ATP8A1: variants seen among roughly 807,000 people sequenced by gnomAD.
The protein encoded by ATP8A1 is ATPase phospholipid transporting 8A1, also known as phospholipid-transporting ATPase IA.
Under a neutral mutation model 177.7 loss-of-function variants are expected in ATP8A1, and 90 were observed. That is an observed-to-expected ratio of 0.51 (90% CI 0.43 to 0.60). The LOEUF is 0.60. Ranked by LOEUF, ATP8A1 falls within the 20% of genes least tolerant of loss-of-function variation. ATP8A1 has a pLI of 0.00. For synonymous variants in ATP8A1, 493 were observed against 485.9 expected (o/e 1.01, Z -0.19); for missense variants, 1,072 against 1,392.8 (o/e 0.77, Z 3.67).
chr4:42,630,103 C>T (rs1003360233), intron 1 of ATP8A1, among the ~76,000 whole-genome samples: 3 of 152,174 alleles, frequency 2.0e-5, no homozygotes, highest in Non-Finnish European at 4.4e-5. Context: ...ATTTCCTCTG[C>T]ATATCACCAC....
chr4:42,455,539 C>G lies in ATP8A1; in HGVS notation c.2680G>C (p.Gly894Arg). 5 of 1,613,566 alleles carry G rather than the reference C, an allele frequency of 3.1e-6. No individual in the cohort carries two copies. The highest frequency in any genetic ancestry group is 4.2e-6 in the Non-Finnish European group (5 of 1,179,708). Reference sequence around the variant, plus strand: ...CCTAAACTTACCACGTTATAGAGACCTATACACCATCTTTCAAAGAGGATC... The same window carrying G: ...CCTAAACTTACCACGTTATAGAGACGTATACACCATCTTTCAAAGAGGATC... ...GQILFERWCI[G>R]LYNVMFTAMP... is the part of the protein sequence containing the mutation. Residue 894 changes from glycine (G) to arginine (R), a missense_variant, in exon 28 of 37, where the codon GGT (glycine) becomes CGT (arginine). Around this residue, in one of 5 missense-constraint regions of ATP8A1, gnomAD observed 316 missense variants for 459.1 expected, o/e 0.69. Coordinates refer to ENST00000381668, the MANE Select transcript of ATP8A1 (RefSeq NM_006095.2).
rs1159794343 is a variant in ATP8A1 at position 42,576,475 on chromosome 4, C to CAAAAAAA, written c.1129-783_1129-777dup. Among the ~76,000 whole-genome samples, 198 of 32,408 alleles carry CAAAAAAA rather than the reference C, an allele frequency of 6.1e-3. 29 individuals are homozygous for CAAAAAAA. Among genetic ancestry groups the CAAAAAAA allele is most frequent in the African/African-American group, 0.017 (111 of 6,634 alleles). The allele number at this position is 32,408 out of a possible 152,430, so 21.3% of individuals were successfully genotyped here. ...TGGGCGACAGAGCAAGACGCCGTCT[C>CAAAAAAA]AAAAAAAAAAAAAAAAAAAAAAAAA... is the stretch of plus-strand genomic sequence containing the variant. On this transcript the variant is annotated intron_variant, in intron 12 of 36. Coordinates refer to ENST00000381668, the MANE Select transcript of ATP8A1 (RefSeq NM_006095.2).
At chr4:42,520,980 A>G (rs1363325291) in intron 22 of ATP8A1, among the ~76,000 whole-genome samples, 1 of 152,138 alleles carries the variant, frequency 6.6e-6, no homozygotes, top group African/African-American at 2.4e-5. Context: ...TGGCATCCCC[A>G]CATTACATAA....
At chr4:42,553,973 G>A (rs1560452157) in intron 16 of ATP8A1, among the ~76,000 whole-genome samples, 2 of 152,168 alleles carry the variant, frequency 1.3e-5, no homozygotes, top group Non-Finnish European at 2.9e-5. Flanking sequence ...AAAACGATGT[G>A]TTTTAGAAAA....
Position 42,414,735 on chromosome 4 carries a change from A to C in ATP8A1, c.3306-17T>G. On this transcript the variant is annotated splice_polypyrimidine_tract_variant and intron_variant, in intron 35 of 36. Transcript: ENST00000381668. ...TCGGTCAGGCTGCAGAGCAGGTGCAAATGTGTGAAATGAATTATCAACTCG... is the reference window on the plus strand; with the variant it reads ...TCGGTCAGGCTGCAGAGCAGGTGCACATGTGTGAAATGAATTATCAACTCG... 3.1e-6 allele frequency: 5 copies of C among 1,602,282 alleles called. No individual in the cohort carries two copies. The highest frequency in any genetic ancestry group is 3.4e-6 in the Non-Finnish European group (4 of 1,169,376).
chr4:42,602,256 A>G (rs540599382), intron 5 of ATP8A1, among the ~76,000 whole-genome samples: 16 of 152,318 alleles, frequency 1.1e-4, no homozygotes, highest in East Asian at 3.9e-4. Context: ...CCTTAAATTG[A>G]TCACTGGATC....
At chr4:42,430,595 G>A (rs764743641) in intron 33 of ATP8A1, among the ~76,000 whole-genome samples, 15 of 151,894 alleles carry the variant, frequency 9.9e-5, no homozygotes, top group Non-Finnish European at 5.9e-5. Flanking sequence ...CAGGTATTGA[G>A]CTTAGATATT....
chr4:42,453,419 C>T (rs1052239203), intron 29 of ATP8A1, among the ~76,000 whole-genome samples: 1 of 152,148 alleles, frequency 6.6e-6, no homozygotes, highest in Non-Finnish European at 1.5e-5. Flanking sequence ...TGTATAAAAA[C>T]TATAAACACT....
In ATP8A1 at chr4:42,412,040, A is replaced by G. The variant is rs1461233375; in HGVS notation, c.*876T>C. The G allele has an allele frequency of 3.9e-5, 6 of 152,212 alleles. No individual in the cohort carries two copies. The highest frequency in any genetic ancestry group is 3.9e-4 in the Admixed American group (6 of 15,280). The allele number at this position is 152,212 out of a possible 1,614,324, so 9.4% of individuals were successfully genotyped here. A position where few individuals can be genotyped will look rare whatever the true frequency, so the allele number is the denominator to read the frequency against. The stretch of plus-strand genomic sequence containing the variant: ...AAGACAAAATGACATCACTCAATCT[A>G]CTGCATTAGCCAGATTTTTAGAAAA... On this transcript the variant is annotated 3_prime_UTR_variant, in exon 37 of 37. Coordinates refer to ENST00000381668, the MANE Select transcript of ATP8A1 (RefSeq NM_006095.2).
chr4:42,602,133 C>A (rs1735345027), intron 5 of ATP8A1, among the ~76,000 whole-genome samples: 1 of 152,136 alleles, frequency 6.6e-6, no homozygotes, highest in Non-Finnish European at 1.5e-5. Flanking sequence ...TCATTCCAAG[C>A]TAGAGAGAGC....
At chr4:42,576,455 G>C (rs1195091629) in intron 12 of ATP8A1, among the ~76,000 whole-genome samples, 1 of 102,644 alleles carries the variant, frequency 9.7e-6, no homozygotes, top group Non-Finnish European at 1.8e-5. Context: ...CAGCCTGGGC[G>C]ACAGAGCAAG....
chr4:42,460,006 T>C (rs1718924320), intron 27 of ATP8A1, among the ~76,000 whole-genome samples: 1 of 152,122 alleles, frequency 6.6e-6, no homozygotes, highest in Non-Finnish European at 1.5e-5. Flanking sequence ...TTAGCCAGGA[T>C]GGTCTCGATC....
intron 29 of ATP8A1, among the ~76,000 whole-genome samples, chr4:42,454,546 ATAT>A (rs1718270351): frequency 1.3e-5 from 2 of 152,184 alleles, no homozygotes; most frequent in South Asian, 4.1e-4. Flanking sequence ...GATTGTTGTA[ATAT>A]TAAATTTTTT....
intron 27 of ATP8A1, among the ~76,000 whole-genome samples, chr4:42,460,116 G>A (rs1234922642): frequency 6.6e-6 from 1 of 152,070 alleles, no homozygotes; most frequent in Admixed American, 6.6e-5. Flanking sequence ...TATCTAATAG[G>A]TTGTAACCTT....
At chr4:42,464,043 C>T (rs1243258726) in intron 27 of ATP8A1, among the ~76,000 whole-genome samples, 1 of 152,150 alleles carries the variant, frequency 6.6e-6, no homozygotes. Flanking sequence ...AATAGCTTTT[C>T]TACATGTGTG....
intron 28 of ATP8A1, 27 bp from the exon 29 acceptor site, chr4:42,455,446 T>C (rs758177067): frequency 2.5e-6 from 4 of 1,613,768 alleles, no homozygotes; most frequent in Non-Finnish European, 3.4e-6. Flanking sequence ...GGTCATTATG[T>C]CAAGCAGCCA....
At chr4:42,483,606 A>G (rs1721913733) in intron 25 of ATP8A1, among the ~76,000 whole-genome samples, 1 of 152,182 alleles carries the variant, frequency 6.6e-6, no homozygotes, top group Non-Finnish European at 1.5e-5. Flanking sequence ...AGCATCCAGA[A>G]CAAGGATTTC....
chr4:42,462,022 G>C (rs1439494564), intron 27 of ATP8A1, among the ~76,000 whole-genome samples: 2 of 152,186 alleles, frequency 1.3e-5, no homozygotes, highest in Non-Finnish European at 2.9e-5. Context: ...AGTATCTGGT[G>C]GAAGAAGTTT....
At chr4:42,478,387 G>A (rs1266419537) in intron 25 of ATP8A1, among the ~76,000 whole-genome samples, 4 of 151,996 alleles carry the variant, frequency 2.6e-5, no homozygotes, top group African/African-American at 9.7e-5. Flanking sequence ...ATTTACTGGA[G>A]TGTCATTATA....
Sources: allele counts gnomAD v4.1 joint callset (sites outside exome capture counted in the v4.1 genomes callset), GRCh38; gene constraint gnomAD v4.1.1; regional missense constraint gnomAD v4.1.1; transcripts MANE v1.5; gene names NCBI Gene and HGNC (gene_info 2026-07-23, HGNC 2026-07-21).